Variants in CNTNAP2 observed in about 807,000 individuals in gnomAD.
CNTNAP2 encodes contactin-associated protein-like 2.
Under a neutral mutation model 155.2 loss-of-function variants are expected in CNTNAP2, and 98 were observed. The observed-to-expected ratio is 0.63, with a 90% confidence interval of 0.54 to 0.75. The LOEUF (loss-of-function observed/expected upper bound fraction) is 0.75, where lower values mean the gene tolerates loss of function less well. Ranked by LOEUF, CNTNAP2 falls within the 30% of genes least tolerant of loss-of-function variation. The pLI is 0.00. For missense variants in CNTNAP2, 1,727 were observed against 1,688.1 expected, an observed-to-expected ratio of 1.02 and a Z score of -0.40; for synonymous variants, 651 against 631.2, an observed-to-expected ratio of 1.03 and a Z score of -0.47.
intron 1 of CNTNAP2, among the ~76,000 whole-genome samples, chr7:146,476,158 T>G (rs954637475): frequency 6.6e-6 from 1 of 152,154 alleles, no homozygotes; most frequent in Non-Finnish European, 1.5e-5. Context: ...AATATCAACT[T>G]CACCTTTATT....
chr7:146,192,301 C>A (rs1798717596), intron 1 of CNTNAP2, among the ~76,000 whole-genome samples: 1 of 151,990 alleles, frequency 6.6e-6, no homozygotes, highest in Non-Finnish European at 1.5e-5. Context: ...GCCTGCCCCC[C>A]AAAAAAGCAT....
At chr7:147,941,403 ATAGGT>A (rs1563142359) in intron 14 of CNTNAP2, among the ~76,000 whole-genome samples, 1 of 152,160 alleles carries the variant, frequency 6.6e-6, no homozygotes, top group Non-Finnish European at 1.5e-5. Flanking sequence ...TTTTCTGGAA[ATAGGT>A]CTCCTTCCTC....
At chr7:146,931,511 A>G (rs1392941077) in intron 3 of CNTNAP2, among the ~76,000 whole-genome samples, 1 of 150,588 alleles carries the variant, frequency 6.6e-6, no homozygotes, top group Non-Finnish European at 1.5e-5. Context: ...ACACCCTAAC[A>G]TCACAGTTAA....
At chr7:146,683,319 C>T (rs1800537973) in intron 1 of CNTNAP2, among the ~76,000 whole-genome samples, 1 of 152,192 alleles carries the variant, frequency 6.6e-6, no homozygotes, top group Non-Finnish European at 1.5e-5. Context: ...AGGCATGAGC[C>T]ACCATGCACG....
At chr7:148,140,519 G>T (rs1805043499) in intron 16 of CNTNAP2, among the ~76,000 whole-genome samples, 1 of 151,470 alleles carries the variant, frequency 6.6e-6, no homozygotes, top group Admixed American at 6.6e-5. Context: ...CACCTCCCAG[G>T]TTCATGTGAT....
intron 1 of CNTNAP2, among the ~76,000 whole-genome samples, chr7:146,237,193 T>C (rs563278977): frequency 6.6e-6 from 1 of 152,240 alleles, no homozygotes; most frequent in Admixed American, 6.5e-5. Flanking sequence ...TGTGGCCTTG[T>C]GTGACTTTAA....
intron 13 of CNTNAP2, among the ~76,000 whole-genome samples, chr7:147,742,888 C>A (rs113499341): frequency 0.032 from 4,874 of 152,234 alleles, 250 homozygotes; most frequent in African/African-American, 0.11. Flanking sequence ...TATTTCAGAG[C>A]AAATCATCCT....
At chr7:147,084,946 G>C (rs1800240931) in intron 4 of CNTNAP2, among the ~76,000 whole-genome samples, 1 of 151,508 alleles carries the variant, frequency 6.6e-6, no homozygotes. Context: ...AGTTTACATT[G>C]ATGAAATATT....
chr7:147,391,406 C>T lies in CNTNAP2; in HGVS notation c.1499-4203C>T, dbSNP rs543242956. On this transcript the variant is annotated intron_variant, in intron 9 of 23. Transcript: ENST00000361727. ...TTGTCTATGTTTACAGCTGCATAGA[C>T]TCCTGACCATAAAGTTTGGAAGTCA... Among the ~76,000 whole-genome samples, 17 of 152,206 alleles carry T rather than the reference C, an allele frequency of 1.1e-4. No homozygotes were observed. The East Asian group carries it at 2.7e-3, about 24-fold the overall frequency.
intron 20 of CNTNAP2, among the ~76,000 whole-genome samples, chr7:148,247,107 A>G (rs541476252): frequency 2.0e-5 from 3 of 152,310 alleles, no homozygotes; most frequent in African/African-American, 7.2e-5. Flanking sequence ...AAAAACTATA[A>G]TACAAACTAT....
At chr7:146,833,657 CTT>C (rs1803558319) in intron 2 of CNTNAP2, among the ~76,000 whole-genome samples, 1 of 152,132 alleles carries the variant, frequency 6.6e-6, no homozygotes, top group Non-Finnish European at 1.5e-5. Context: ...TCTTCAGTCT[CTT>C]TTCACAACCA....
In CNTNAP2 at chr7:147,086,139, T is replaced by C. The variant is rs551332421; in HGVS notation, c.551-22008T>C. The stretch of plus-strand genomic sequence containing the variant: ...CATAAACTCTAAGGAAATTTTAATA[T>C]GAATATTTTTAAAGGAGCATTTTAA... On this transcript the variant is annotated intron_variant, in intron 4 of 23. Transcript: ENST00000361727. Among the ~76,000 whole-genome samples the C allele has an allele frequency of 4.6e-5, 7 of 152,304 alleles. No homozygotes were observed. In the South Asian group the frequency reaches 6.2e-4, roughly 14 times the overall value.
intron 3 of CNTNAP2, among the ~76,000 whole-genome samples, chr7:146,986,126 A>G (rs372675090): frequency 7.2e-5 from 11 of 152,200 alleles, no homozygotes; most frequent in South Asian, 6.2e-4. Flanking sequence ...ACTGTACTCA[A>G]TATGTCGTCT....
intron 14 of CNTNAP2, among the ~76,000 whole-genome samples, chr7:147,926,523 A>T (rs1045162727): frequency 2.6e-5 from 4 of 152,226 alleles, no homozygotes; most frequent in African/African-American, 9.6e-5. Flanking sequence ...AGAAAATTAA[A>T]GTCAACATCT....
intron 1 of CNTNAP2, among the ~76,000 whole-genome samples, chr7:146,736,329 A>G (rs2129180330): frequency 6.6e-6 from 1 of 152,288 alleles, no homozygotes; most frequent in East Asian, 1.9e-4. Flanking sequence ...AACTATAAAA[A>G]AAAGTCAAAG....
intron 8 of CNTNAP2, among the ~76,000 whole-genome samples, chr7:147,198,232 C>CTGTTTTTTT (rs1802844862): frequency 8.8e-6 from 1 of 113,094 alleles, no homozygotes. Flanking sequence ...TTCCAATATC[C>CTGTTTTTTT]TTTTTTTTTT....
chr7:147,648,495 T>A (rs1414127556), intron 13 of CNTNAP2, among the ~76,000 whole-genome samples: 2 of 152,196 alleles, frequency 1.3e-5, no homozygotes, highest in African/African-American at 4.8e-5. Context: ...AAGACATACC[T>A]GAGACTGGGC....
chr7:147,513,037 G>A (rs1248440637), intron 11 of CNTNAP2, among the ~76,000 whole-genome samples: 4 of 151,972 alleles, frequency 2.6e-5, no homozygotes, highest in Non-Finnish European at 5.9e-5. Flanking sequence ...AAAACATAAA[G>A]TGATATATCA....
intron 21 of CNTNAP2, among the ~76,000 whole-genome samples, chr7:148,344,896 C>G (rs968330985): frequency 3.3e-5 from 5 of 152,130 alleles, no homozygotes; most frequent in African/African-American, 1.2e-4. Flanking sequence ...ATCAATTACA[C>G]AAATTCAAAA....
Sources: allele counts gnomAD v4.1 joint callset (sites outside exome capture counted in the v4.1 genomes callset), GRCh38; gene constraint gnomAD v4.1.1; transcripts MANE v1.5; gene names NCBI Gene and HGNC (gene_info 2026-07-23, HGNC 2026-07-21).